Variants in USH2A observed in about 807,000 individuals in gnomAD.
USH2A encodes the protein Usher syndrome 2A (autosomal recessive, mild).
A neutral mutation model predicts 538.9 loss-of-function variants in USH2A; 443 were observed. That is an observed-to-expected ratio of 0.82 (90% CI 0.76 to 0.89). The LOEUF is 0.89. Ranked by LOEUF, USH2A falls within the 40% of genes least tolerant of loss-of-function variation. The pLI, the probability that USH2A is intolerant of heterozygous loss-of-function variation, is 0.00. For synonymous variants in USH2A, 2,413 were observed against 2,273.5 expected (o/e 1.06, Z -1.75); for missense variants, 6,633 against 6,324.8 (o/e 1.05, Z -1.65).
chr1:215,836,471 T>C (rs1267660734), intron 47 of USH2A, among the ~76,000 whole-genome samples: 1 of 12,896 alleles, frequency 7.8e-5, no homozygotes, highest in Non-Finnish European at 1.6e-4. Context: ...ATATTATATA[T>C]ATATATATAA....
intron 57 of USH2A, 98 bp from the exon 58 acceptor site, chr1:215,758,850 G>T: frequency 7.4e-7 from 1 of 1,345,378 alleles, no homozygotes; most frequent in Non-Finnish European, 1.0e-6. Flanking sequence ...TCCTAAATTT[G>T]TGACAAATTG....
At chr1:216,080,014 T>C (rs1031925410) in intron 26 of USH2A, 8 of 152,118 alleles carry the variant, frequency 5.3e-5, no homozygotes, top group Non-Finnish European at 8.8e-5. Flanking sequence ...AAAGAAATGC[T>C]GACTGTTGTT....
chr1:216,323,878 A>G lies in USH2A; in HGVS notation c.1329-183T>C, dbSNP rs139200544. ...GGATTATCATAGAAAGCCACACTAA[A>G]ACAGTTCCTTGAAAACATAATGAAA... On this transcript the variant is annotated intron_variant, in intron 7 of 71. Coordinates refer to ENST00000307340, the MANE Select transcript of USH2A (RefSeq NM_206933.4). Among the ~76,000 whole-genome samples the G allele has an allele frequency of 3.2e-3, 487 of 152,252 alleles. 6 individuals carry two copies. Among genetic ancestry groups the G allele is most frequent in the East Asian group, 0.017 (90 of 5,168 alleles).
In USH2A at chr1:216,214,318, C is replaced by T. The variant is rs949475440; in HGVS notation, c.3157+3069G>A. ...AAATGTCAACTGATCAATGGATAAA[C>T]AAAATATAGTGTATCCATAAAATAC... On this transcript the variant is annotated intron_variant, in intron 15 of 71. Transcript: ENST00000307340. Among the ~76,000 whole-genome samples the T allele has an allele frequency of 2.6e-4, 39 of 151,830 alleles. 1 individual carries two copies. The highest frequency in any genetic ancestry group is 4.4e-5 in the Non-Finnish European group (3 of 67,876).
At chr1:216,058,006 A>G (rs977205956) in intron 30 of USH2A, among the ~76,000 whole-genome samples, 1 of 152,210 alleles carries the variant, frequency 6.6e-6, no homozygotes, top group Admixed American at 6.5e-5. Flanking sequence ...AGGTGGAGGA[A>G]CAACTTCTAA....
intron 35 of USH2A, 147 bp from the exon 36 acceptor site, chr1:215,970,923 T>A (rs1667480824): frequency 2.4e-6 from 2 of 830,524 alleles, no homozygotes. Flanking sequence ...AAACTCTGTC[T>A]CTTACCAAAG....
chr1:215,828,519 C>G (rs566374142), intron 47 of USH2A, among the ~76,000 whole-genome samples: 1 of 152,308 alleles, frequency 6.6e-6, no homozygotes, highest in South Asian at 2.1e-4. Flanking sequence ...TTAGAGACAT[C>G]TAACCTATGC....
At chr1:215,753,799 CTT>C (rs1016706029) in intron 58 of USH2A, among the ~76,000 whole-genome samples, 2 of 152,048 alleles carry the variant, frequency 1.3e-5, no homozygotes, top group East Asian at 1.9e-4. Context: ...TACCCTAAAA[CTT>C]AAAGTATAAT....
chr1:215,803,265 G>A (rs926452581), intron 49 of USH2A, among the ~76,000 whole-genome samples: 6 of 152,242 alleles, frequency 3.9e-5, no homozygotes, highest in Non-Finnish European at 5.9e-5. Context: ...TCAACATAGG[G>A]TTGGAAGTTC....
intron 20 of USH2A, among the ~76,000 whole-genome samples, chr1:216,178,883 T>C (rs1558300849): frequency 6.6e-6 from 1 of 152,156 alleles, no homozygotes; most frequent in Non-Finnish European, 1.5e-5. Flanking sequence ...CCACATATGA[T>C]TCATGACTAC....
intron 38 of USH2A, among the ~76,000 whole-genome samples, chr1:215,927,338 G>T (rs1402602289): frequency 6.6e-6 from 1 of 152,158 alleles, no homozygotes; most frequent in East Asian, 1.9e-4. Flanking sequence ...AGTTTTCAAA[G>T]TGGAAATCAA....
intron 21 of USH2A, among the ~76,000 whole-genome samples, chr1:216,147,807 C>G (rs669202): frequency 7.1e-6 from 1 of 140,968 alleles, no homozygotes. Flanking sequence ...ACCTCCTCCC[C>G]CAGGAGCTTG....
At chr1:216,111,501 A>G (rs1368442432) in intron 21 of USH2A, among the ~76,000 whole-genome samples, 1 of 152,132 alleles carries the variant, frequency 6.6e-6, no homozygotes, top group Non-Finnish European at 1.5e-5. Context: ...TTACGGATCT[A>G]AAGCATGTTC....
At chr1:215,641,398 A>G (rs1317476422) in intron 67 of USH2A, among the ~76,000 whole-genome samples, 1 of 152,186 alleles carries the variant, frequency 6.6e-6, no homozygotes, top group Non-Finnish European at 1.5e-5. Context: ...GTATATAATC[A>G]AGCTCAGGTG....
At chr1:216,264,367 G>A (rs1265356331) in intron 11 of USH2A, among the ~76,000 whole-genome samples, 3 of 151,632 alleles carry the variant, frequency 2.0e-5, no homozygotes, top group African/African-American at 7.3e-5. Context: ...GCACAGTCTT[G>A]GCTCACTGCA....
At chr1:216,421,324 G>T (rs1292810343) in intron 2 of USH2A, among the ~76,000 whole-genome samples, 1 of 152,032 alleles carries the variant, frequency 6.6e-6, no homozygotes, top group East Asian at 1.9e-4. Flanking sequence ...GAGATGGAGG[G>T]TTATTTATAT....
At chr1:215,931,913 T>C (rs1666373647) in intron 38 of USH2A, among the ~76,000 whole-genome samples, 1 of 151,962 alleles carries the variant, frequency 6.6e-6, no homozygotes, top group African/African-American at 2.4e-5. Flanking sequence ...CATGACTTTC[T>C]GATAGACCAA....
intron 3 of USH2A, among the ~76,000 whole-genome samples, chr1:216,366,928 A>G (rs1293910079): frequency 2.6e-5 from 4 of 152,164 alleles, no homozygotes; most frequent in African/African-American, 9.6e-5. Context: ...TCATTATAAA[A>G]GATACAGGCT....
chr1:216,193,769 A>C (rs1250278773), intron 19 of USH2A, among the ~76,000 whole-genome samples: 2 of 152,038 alleles, frequency 1.3e-5, no homozygotes, highest in Non-Finnish European at 2.9e-5. Context: ...AGAAGAGAAG[A>C]ATTGTCTCCT....
Sources: allele counts gnomAD v4.1 joint callset (sites outside exome capture counted in the v4.1 genomes callset), GRCh38; gene constraint gnomAD v4.1.1; transcripts MANE v1.5; gene names NCBI Gene and HGNC (gene_info 2026-07-23, HGNC 2026-07-21).